ROBO1: variants seen among roughly 807,000 people sequenced by gnomAD.
ROBO1 encodes the protein roundabout guidance receptor 1, also known as roundabout homolog 1.
A neutral mutation model predicts 195.9 loss-of-function variants in ROBO1; 149 were observed. That is an observed-to-expected ratio of 0.76 (90% CI 0.67 to 0.87). ROBO1 has a LOEUF of 0.87. ROBO1 is among the 40% of genes least tolerant of loss of function. The probability of loss-of-function intolerance (pLI) is 0.00; values close to 1 mark genes in which losing one functional copy is unlikely to be tolerated. For synonymous variants in ROBO1, 816 were observed against 733.2 expected, an observed-to-expected ratio of 1.11 and a Z score of -1.82; for missense variants, 1,933 against 2,068.3, an observed-to-expected ratio of 0.93 and a Z score of 1.27.
At chr3:79,032,697 A>G (rs2108307108) in intron 3 of ROBO1, among the ~76,000 whole-genome samples, 1 of 152,200 alleles carries the variant, frequency 6.6e-6, no homozygotes, top group South Asian at 2.1e-4. Flanking sequence ...GACTAATTTC[A>G]GATAATGAGT....
At chr3:79,395,176 C>A (rs562401798) in intron 2 of ROBO1, among the ~76,000 whole-genome samples, 2 of 151,640 alleles carry the variant, frequency 1.3e-5, no homozygotes, top group Admixed American at 6.6e-5. Flanking sequence ...ACAAAAAATT[C>A]TCCGGGCGTG....
intron 4 of ROBO1, among the ~76,000 whole-genome samples, chr3:78,762,612 G>C (rs940617656): frequency 1.3e-5 from 2 of 151,802 alleles, no homozygotes; most frequent in Non-Finnish European, 1.5e-5. Context: ...TTGTTCTCCA[G>C]GTCAGAACTA....
intron 2 of ROBO1, chr3:79,527,993 G>A (rs554453683): frequency 6.5e-5 from 1 of 15,482 alleles, no homozygotes; most frequent in African/African-American, 1.9e-3. Context: ...AAATTGAGAA[G>A]TTATTTTACT....
At chr3:78,964,739 TC>T (rs1375974596) in intron 3 of ROBO1, among the ~76,000 whole-genome samples, 2 of 147,588 alleles carry the variant, frequency 1.4e-5, no homozygotes, top group Admixed American at 1.4e-4. Context: ...AAGAAAGAAC[TC>T]ATACAACTTA....
At chr3:79,365,270 G>A (rs1445905619) in intron 2 of ROBO1, among the ~76,000 whole-genome samples, 2 of 151,982 alleles carry the variant, frequency 1.3e-5, no homozygotes, top group East Asian at 3.9e-4. Context: ...CACCTGCTTG[G>A]CAAAGCCACA....
chr3:79,339,150 C>T (rs919217192), intron 2 of ROBO1, among the ~76,000 whole-genome samples: 6 of 152,186 alleles, frequency 3.9e-5, no homozygotes, highest in African/African-American at 1.4e-4. Context: ...CACCATCTCA[C>T]CATTGGTTCA....
intron 2 of ROBO1, among the ~76,000 whole-genome samples, chr3:79,173,651 G>C (rs1041069321): frequency 1.3e-5 from 2 of 152,046 alleles, no homozygotes; most frequent in Non-Finnish European, 2.9e-5. Context: ...GGATGAGCAC[G>C]GCCCCCTGCT....
intron 2 of ROBO1, among the ~76,000 whole-genome samples, chr3:79,244,136 G>A (rs909512823): frequency 3.3e-5 from 5 of 152,080 alleles, no homozygotes; most frequent in African/African-American, 1.2e-4. Flanking sequence ...ACGGTTGTCA[G>A]ATTCCACCGT....
chr3:79,596,877 C>T (rs937202568), intron 1 of ROBO1, among the ~76,000 whole-genome samples: 2 of 151,758 alleles, frequency 1.3e-5, no homozygotes, highest in Non-Finnish European at 2.9e-5. Context: ...TAAAGTGACT[C>T]CAGATAAAGG....
chr3:79,606,009 T>C (rs1944470545), intron 1 of ROBO1, among the ~76,000 whole-genome samples: 1 of 146,314 alleles, frequency 6.8e-6, no homozygotes, highest in Admixed American at 6.8e-5. Flanking sequence ...TATATATATA[T>C]ACCCATTTAT....
intron 5 of ROBO1, among the ~76,000 whole-genome samples, chr3:78,731,278 T>TCTA (rs932591248): frequency 2.6e-5 from 4 of 152,084 alleles, no homozygotes; most frequent in African/African-American, 7.2e-5. Flanking sequence ...CTAACCTACG[T>TCTA]CTAGGATATA....
At position 79,055,682 on chromosome 3, in the gene ROBO1, A is replaced by G. The variant is rs1202238682; in HGVS notation, c.172+69774T>C. ...GCTCCCAGTCAGCATGTGATGGAAA[A>G]CATGGAGTTTGTTCCTGGACTCGGT... On this transcript the variant is annotated intron_variant, in intron 3 of 30. Coordinates refer to ENST00000464233, the MANE Select transcript of ROBO1 (RefSeq NM_002941.4). Among the ~76,000 whole-genome samples the G allele has an allele frequency of 3.9e-5, 6 of 152,232 alleles. No homozygotes were observed. The South Asian group carries it at 1.2e-3, about 32-fold the overall frequency.
chr3:78,766,777 A>G (rs2083239136), intron 4 of ROBO1, among the ~76,000 whole-genome samples: 2 of 152,124 alleles, frequency 1.3e-5, no homozygotes, highest in African/African-American at 4.8e-5. Context: ...CTTTTATTAC[A>G]TTAAGGTATG....
intron 4 of ROBO1, among the ~76,000 whole-genome samples, chr3:78,866,755 T>C (rs1042287980): frequency 6.6e-6 from 1 of 152,170 alleles, no homozygotes; most frequent in African/African-American, 2.4e-5. Flanking sequence ...TGGAGATGTA[T>C]AGTGATAGTT....
chr3:78,819,048 T>G (rs1313489539), intron 4 of ROBO1, among the ~76,000 whole-genome samples: 2 of 152,192 alleles, frequency 1.3e-5, no homozygotes, highest in Non-Finnish European at 2.9e-5. Context: ...ATCTGCCGTT[T>G]CTGGCGACCA....
intron 2 of ROBO1, among the ~76,000 whole-genome samples, chr3:79,368,258 C>A (rs1209386293): frequency 1.3e-5 from 2 of 152,138 alleles, no homozygotes; most frequent in Non-Finnish European, 2.9e-5. Flanking sequence ...TTGCCACAAC[C>A]AGATAGTGTT....
chr3:78,995,320 T>C (rs917473856), intron 3 of ROBO1, among the ~76,000 whole-genome samples: 3 of 152,148 alleles, frequency 2.0e-5, no homozygotes, highest in African/African-American at 7.2e-5. Context: ...TTATCACTCA[T>C]GGTGCCTAGG....
At chr3:79,515,897 T>A (rs1366721389) in intron 2 of ROBO1, among the ~76,000 whole-genome samples, 1 of 152,168 alleles carries the variant, frequency 6.6e-6, no homozygotes, top group Non-Finnish European at 1.5e-5. Flanking sequence ...CATCAGTATA[T>A]TTTACTTCAT....
chr3:79,266,107 T>C (rs1410243368), intron 2 of ROBO1, among the ~76,000 whole-genome samples: 2 of 151,624 alleles, frequency 1.3e-5, no homozygotes, highest in African/African-American at 4.8e-5. Context: ...AGCTATTATA[T>C]GCACATGTAT....
Sources: gnomAD v4.1 joint callset for allele counts (sites outside exome capture counted in the v4.1 genomes callset) on GRCh38, gnomAD v4.1.1 for gene constraint, MANE v1.5 for transcripts, NCBI Gene and HGNC (gene_info 2026-07-23, HGNC 2026-07-21) for gene names.